RTL4: variants seen among roughly 807,000 people sequenced by gnomAD.
The protein encoded by RTL4 is retrotransposon Gag-like protein 4.
Under a neutral mutation model 5.3 loss-of-function variants are expected in RTL4, and 4 were observed. The observed-to-expected ratio is 0.75, with a 90% confidence interval of 0.37 to 1.72. The LOEUF (loss-of-function observed/expected upper bound fraction) is 1.72. Ranked by LOEUF, RTL4 falls within the 40% of genes most tolerant of loss-of-function variation. The pLI is 0.04. For missense variants in RTL4, 260 were observed against 227.1 expected, an observed-to-expected ratio of 1.14 and a Z score of -0.93; for synonymous variants, 98 against 87.3, an observed-to-expected ratio of 1.12 and a Z score of -0.68.
chrX:112,172,248 C>G, the RTL4 span, among the ~76,000 whole-genome samples: 1 of 110,726 alleles, frequency 9.0e-6, no homozygotes, highest in African/African-American at 3.3e-5. Flanking sequence ...TTGCTTGAAC[C>G]TGGGAGGCTG....
chrX:112,327,904 C>A, the RTL4 span, among the ~76,000 whole-genome samples: 1 of 109,701 alleles, frequency 9.1e-6, no homozygotes, highest in Non-Finnish European at 1.9e-5. Context: ...TCCAGCCAAA[C>A]TAAGCTTCAT....
At chrX:112,303,349 C>T in the RTL4 span, among the ~76,000 whole-genome samples, 2 of 109,305 alleles carry the variant, frequency 1.8e-5, no homozygotes, top group East Asian at 2.9e-4. Context: ...TGATTGGTAG[C>T]TGTTTAAATG....
chrX:112,363,862 G>A, the RTL4 span, among the ~76,000 whole-genome samples: 6 of 111,447 alleles, frequency 5.4e-5, no homozygotes, highest in Admixed American at 9.5e-5. Context: ...GAGATACATA[G>A]CCAGGTGGTG....
the RTL4 span, among the ~76,000 whole-genome samples, chrX:112,317,910 A>T: frequency 2.6e-4 from 29 of 111,931 alleles, no homozygotes; most frequent in Non-Finnish European, 5.1e-4. Flanking sequence ...ATAGCATCCA[A>T]CAACTTTATT....
the RTL4 span, among the ~76,000 whole-genome samples, chrX:112,344,698 C>T: frequency 8.9e-6 from 1 of 112,082 alleles, no homozygotes; most frequent in African/African-American, 3.2e-5. Flanking sequence ...AGTGCCATTA[C>T]TTTTTATTCA....
the RTL4 span, among the ~76,000 whole-genome samples, chrX:112,146,086 C>T: frequency 8.9e-6 from 1 of 111,993 alleles, no homozygotes; most frequent in Non-Finnish European, 1.9e-5. Context: ...AGAGTGAATT[C>T]AGGGAGATCA....
the RTL4 span, among the ~76,000 whole-genome samples, chrX:112,108,039 A>C: frequency 9.0e-6 from 1 of 111,135 alleles, no homozygotes; most frequent in Non-Finnish European, 1.9e-5. Flanking sequence ...GTATTTTCAA[A>C]TAACCTGTCT....
At chrX:112,176,185 T>G in the RTL4 span, among the ~76,000 whole-genome samples, 2 of 111,593 alleles carry the variant, frequency 1.8e-5, no homozygotes, top group African/African-American at 6.5e-5. Flanking sequence ...AAGGACCTCT[T>G]CAAGGAGAAC....
the RTL4 span, among the ~76,000 whole-genome samples, chrX:112,170,261 T>C: frequency 1.8e-5 from 2 of 112,266 alleles, no homozygotes; most frequent in Non-Finnish European, 3.7e-5. Context: ...TGATATCATA[T>C]GAATTGTGAA....
the RTL4 span, among the ~76,000 whole-genome samples, chrX:112,137,453 A>C: frequency 8.9e-6 from 1 of 112,109 alleles, no homozygotes; most frequent in African/African-American, 3.2e-5. Context: ...AGGAAGGGGA[A>C]GCAGGCACAT....
the RTL4 span, chrX:112,381,469 C>T: frequency 4.4e-5 from 53 of 1,203,839 alleles, no homozygotes; most frequent in Non-Finnish European, 5.7e-5. Context: ...GGGAGCTACA[C>T]CGAGAAAAGT....
the RTL4 span, among the ~76,000 whole-genome samples, chrX:112,234,048 C>T: frequency 2.9e-3 from 315 of 109,742 alleles, no homozygotes; most frequent in African/African-American, 9.6e-3. Flanking sequence ...AAAAATTAGC[C>T]GGGCATGGTG....
chrX:112,166,926 C>T, the RTL4 span, among the ~76,000 whole-genome samples: 1 of 111,639 alleles, frequency 9.0e-6, no homozygotes, highest in Admixed American at 9.5e-5. Flanking sequence ...CTTTCTAAGT[C>T]CATTCTCTTT....
the RTL4 span, among the ~76,000 whole-genome samples, chrX:112,347,463 G>A: frequency 6.3e-5 from 7 of 111,262 alleles, no homozygotes; most frequent in Non-Finnish European, 1.3e-4. Context: ...CGCAAAGATA[G>A]TATAGGAGTC....
the RTL4 span, among the ~76,000 whole-genome samples, chrX:112,190,524 A>G: frequency 9.0e-6 from 1 of 111,718 alleles, no homozygotes; most frequent in African/African-American, 3.2e-5. Flanking sequence ...GCCTGACTCT[A>G]TTTCTTTCTT....
At chrX:112,194,413 T>C in the RTL4 span, among the ~76,000 whole-genome samples, 1,807 of 110,906 alleles carry the variant, frequency 0.016, 42 homozygotes, top group African/African-American at 0.056. Context: ...TTCCCCTCTC[T>C]GTACCATATG....
the RTL4 span, chrX:112,381,496 A>G: frequency 8.3e-7 from 1 of 1,199,440 alleles, no homozygotes; most frequent in Non-Finnish European, 1.1e-6. Flanking sequence ...TCCAGGCTGA[A>G]AACAGATTCT....
At chrX:112,347,223 C>T in the RTL4 span, among the ~76,000 whole-genome samples, 1 of 111,562 alleles carries the variant, frequency 9.0e-6, no homozygotes, top group Non-Finnish European at 1.9e-5. Flanking sequence ...AAGTACAAGA[C>T]AAACTCAACA....
chrX:112,449,024 T>C, the RTL4 span, among the ~76,000 whole-genome samples: 21,682 of 111,195 alleles, frequency 0.19, 1,766 homozygotes, highest in Middle Eastern at 0.26. Context: ...AGAGTGTTCA[T>C]GACACTTTTA....
Sources: allele counts gnomAD v4.1 joint callset (sites outside exome capture counted in the v4.1 genomes callset), GRCh38; gene constraint gnomAD v4.1.1; transcripts MANE v1.5; gene names NCBI Gene and HGNC (gene_info 2026-07-23, HGNC 2026-07-21).